The following GUCA2A variants were observed in gnomAD, a reference collection of about 807,000 sequenced individuals.
GUCA2A encodes guanylin.
GUCA2A carries 17 observed loss-of-function variants against 11.2 expected under a neutral mutation model. The observed-to-expected ratio is 1.52, with a 90% CI of 1.04 to 2.28. GUCA2A has a LOEUF of 2.28. Among genes scored for constraint, GUCA2A ranks in the 30% most tolerant of loss-of-function variants. The probability of loss-of-function intolerance (pLI) is 0.00; values close to 1 mark genes in which losing one functional copy is unlikely to be tolerated. For missense variants in GUCA2A, 173 were observed against 139.3 expected (o/e 1.24, Z -1.22); for synonymous variants, 64 against 57.1 (o/e 1.12, Z -0.54).
At chr1:42,163,773 G>T (rs887900498) in intron 1 of GUCA2A, among the ~76,000 whole-genome samples, 163 bp from the exon 2 acceptor site, 4 of 152,188 alleles carry the variant, frequency 2.6e-5, no homozygotes, top group African/African-American at 9.7e-5. Flanking sequence ...CAGAGTTCAG[G>T]CCCCACGTCC....
rs12076081 is a variant in GUCA2A, at chr1:42,162,900, G to A, written c.*6C>T. 13,019 of 1,610,770 alleles carry A rather than the reference G, an allele frequency of 8.1e-3. 977 individuals carry two copies. In the African/African-American group the frequency reaches 0.15, roughly 19 times the overall value. On this transcript the variant is annotated 3_prime_UTR_variant, in exon 3 of 3. Coordinates refer to ENST00000357001, the MANE Select transcript of GUCA2A (RefSeq NM_033553.3). The stretch of plus-strand genomic sequence containing the variant: ...CGGAGGGGAGGCAGGCAGTGGGCAA[G>A]CCCCCCTAGCATCCGGTACAGGCAG...
At chr1:42,163,075 T>C in intron 2 of GUCA2A, 105 bp from the exon 3 acceptor site, 1 of 917,024 alleles carries the variant, frequency 1.1e-6, no homozygotes, top group Non-Finnish European at 1.8e-6. Flanking sequence ...CAGGAGAATC[T>C]CAGCAGGCCC....
Position 42,162,956 on chromosome 1 carries a change from C to T in GUCA2A, c.298G>A (p.Asp100Asn), listed in dbSNP as rs1646135916. 6.2e-7 allele frequency: 1 copy of T among 1,613,768 alleles called. No individual in the cohort carries two copies. Among genetic ancestry groups the T allele is most frequent in the Non-Finnish European group, 8.5e-7 (1 of 1,179,744 alleles). The stretch of plus-strand genomic sequence containing the variant: ...GCACAGATTTCACATGTGCCCGGGT[C>T]CTCAGCGATTTCCTCTGCACAACAG... ...ILQRLEEIAE[D>N]PGTCEICAYA... is the part of the protein sequence containing the mutation. Residue 100 changes from aspartate (D) to asparagine (N), a missense_variant, in exon 3 of 3, where the codon GAC becomes AAC. Asp to Asn is a conservative substitution (Grantham distance 23, BLOSUM62 1). Transcript: ENST00000357001.
chr1:42,162,889 G>T lies in GUCA2A; in HGVS notation c.*17C>A. ...CTTCCCTGCTGCGGAGGGGAGGCAG[G>T]CAGTGGGCAAGCCCCCCTAGCATCC... On this transcript the variant is annotated 3_prime_UTR_variant, in exon 3 of 3. Transcript: ENST00000357001. 1 of 1,603,240 alleles carries T rather than the reference G, an allele frequency of 6.2e-7. No homozygotes were observed. Among genetic ancestry groups the T allele is most frequent in the Non-Finnish European group, 8.5e-7 (1 of 1,170,280 alleles).
intron 2 of GUCA2A, 66 bp downstream of exon 2, chr1:42,163,337 C>G (rs1031845364): frequency 9.7e-7 from 1 of 1,033,050 alleles, no homozygotes; most frequent in Non-Finnish European, 1.5e-6. Flanking sequence ...CAGAGCACAT[C>G]TCTTCCTCAA....
chr1:42,164,285 C>G (rs778906043), intron 1 of GUCA2A, among the ~76,000 whole-genome samples: 3 of 152,220 alleles, frequency 2.0e-5, no homozygotes, highest in Non-Finnish European at 4.4e-5. Context: ...CTTTGTGAGG[C>G]TCAGTTTTCC....
At position 42,163,013 on chromosome 1, in the gene GUCA2A, C is replaced by T. The variant is rs779157253; in HGVS notation, c.284-43G>A. ...AGCCTCGTGAGAACCAGCATTTCCT[C>T]GCGAGGCCCCTGCCGCCCTTGGCCC... On this transcript the variant is annotated intron_variant, in intron 2 of 2. Coordinates refer to ENST00000357001, the MANE Select transcript of GUCA2A (RefSeq NM_033553.3). 2.8e-5 allele frequency: 42 copies of T among 1,502,178 alleles called. 1 individual carries two copies. The African/African-American group carries it at 4.1e-4, about 15-fold the overall frequency. 93.1% of individuals were successfully genotyped at this position (1,502,178 alleles called of 1,614,324 possible).
intron 1 of GUCA2A, among the ~76,000 whole-genome samples, chr1:42,164,029 G>T (rs1646141811): frequency 6.6e-6 from 1 of 152,246 alleles, no homozygotes; most frequent in South Asian, 2.1e-4. Context: ...CCCAGCTCCA[G>T]CCTGCAGCCT....
rs1557602457 is a variant in GUCA2A at position 42,162,968 on chromosome 1, C to T, written c.286G>A (p.Glu96Lys). The change falls in exon 3 of 3, where the codon GAA becomes AAA. Residue 96 changes from glutamate to lysine, a missense_variant and splice_region_variant. Transcript: ENST00000357001. ...NAQEILQRLE[E>K]IAEDPGTCEI... is the part of the protein sequence containing the mutation. ...CATGTGCCCGGGTCCTCAGCGATTT[C>T]CTCTGCACAACAGAGATGGAGCCTC... 1 of 1,613,186 alleles carries T rather than the reference C, an allele frequency of 6.2e-7. No individual in the cohort carries two copies. The highest frequency in any genetic ancestry group is 8.5e-7 in the Non-Finnish European group (1 of 1,179,184).
Position 42,163,437 on chromosome 1 carries a change from C to A in GUCA2A, c.249G>T (p.Lys83Asn). The A allele has an allele frequency of 6.2e-7, 1 of 1,613,902 alleles. No homozygotes were observed. Among genetic ancestry groups the A allele is most frequent in the Middle Eastern group, 1.7e-4 (1 of 6,060 alleles). Residue 83 changes from lysine (K) to asparagine (N), a missense_variant, in exon 2 of 3, where the codon AAG becomes AAT. Coordinates refer to ENST00000357001, the MANE Select transcript of GUCA2A (RefSeq NM_033553.3). ...NFPEELKPLCKEPNAQEILQR... is the reference protein window; with the variant it reads ...NFPEELKPLCNEPNAQEILQR... ...GAAGTATCTCCTGGGCATTGGGCTCCTTGCAGAGAGGCTTGAGTTCTTCTG... is the reference window on the plus strand; with the variant it reads ...GAAGTATCTCCTGGGCATTGGGCTCATTGCAGAGAGGCTTGAGTTCTTCTG...
chr1:42,162,905 C>T lies in GUCA2A; in HGVS notation c.*1G>A. ...GGGAGGCAGGCAGTGGGCAAGCCCC[C>T]CTAGCATCCGGTACAGGCAGCGTAG... On this transcript the variant is annotated 3_prime_UTR_variant, in exon 3 of 3. Transcript: ENST00000357001. 6.2e-7 allele frequency: 1 copy of T among 1,612,446 alleles called. No homozygotes were observed. Among genetic ancestry groups the T allele is most frequent in the Non-Finnish European group, 8.5e-7 (1 of 1,178,602 alleles).
chr1:42,164,510 CGAA>C (rs1646143918), intron 1 of GUCA2A, 125 bp downstream of exon 1: 1 of 633,806 alleles, frequency 1.6e-6, no homozygotes, highest in South Asian at 1.9e-5. Context: ...AGGAGCTCCT[CGAA>C]GAAGGCCAAG....
rs751671024 is a variant in GUCA2A at position 42,163,549 on chromosome 1, T to A, written c.137A>T (p.Gln46Leu). The change falls in exon 2 of 3, where the codon CAG becomes CTG. Residue 46 changes from glutamine (Q) to leucine (L), a missense_variant. Gln to Leu is a moderately radical substitution (Grantham distance 113). Transcript: ENST00000357001. ...VKKLKDLQEP[Q>L]EPRVGKLRNF... Reference sequence around the variant, plus strand: ...CCTGAGTTTCCCAACCCTGGGCTCCTGGGGCTCCTGGAGGTCTTTGAGCTT... The same window carrying A: ...CCTGAGTTTCCCAACCCTGGGCTCCAGGGGCTCCTGGAGGTCTTTGAGCTT... 3.1e-6 allele frequency: 5 copies of A among 1,613,336 alleles called. No homozygotes were observed. Among genetic ancestry groups the A allele is most frequent in the Non-Finnish European group, 3.4e-6 (4 of 1,179,294 alleles).
At chr1:42,164,379 T>C (rs1646143453) in intron 1 of GUCA2A, among the ~76,000 whole-genome samples, 1 of 152,246 alleles carries the variant, frequency 6.6e-6, no homozygotes, top group Non-Finnish European at 1.5e-5. Context: ...AGCCGGCACA[T>C]AGGACACTCA....
chr1:42,164,014 G>T (rs923543257), intron 1 of GUCA2A, among the ~76,000 whole-genome samples: 2 of 152,180 alleles, frequency 1.3e-5, no homozygotes, highest in African/African-American at 4.8e-5. Context: ...GCTGATTACT[G>T]GGCCCCCAGC....
chr1:42,162,932 C>T lies in GUCA2A; in HGVS notation c.322G>A (p.Ala108Thr), dbSNP rs1569700286. 2.5e-6 allele frequency: 4 copies of T among 1,613,854 alleles called. No homozygotes were observed. Among genetic ancestry groups the T allele is most frequent in the Non-Finnish European group, 3.4e-6 (4 of 1,179,782 alleles). Residue 108 changes from alanine to threonine, a missense_variant, in exon 3 of 3, where the codon GCC (alanine) becomes ACC (threonine). By Grantham distance (58) the Ala-to-Thr change is moderately conservative. Transcript: ENST00000357001. ...AEDPGTCEICAYAACTGC is the reference protein window; with the variant it reads ...AEDPGTCEICTYAACTGC ...TAGCATCCGGTACAGGCAGCGTAGG[C>T]ACAGATTTCACATGTGCCCGGGTCC... is the stretch of plus-strand genomic sequence containing the variant.
In GUCA2A at chr1:42,162,730, A is replaced by T. The variant is rs187801567; in HGVS notation, c.*176T>A. 2 of 607,586 alleles carry T rather than the reference A, an allele frequency of 3.3e-6. No homozygotes were observed. Among genetic ancestry groups the T allele is most frequent in the African/African-American group, 3.7e-5 (2 of 54,234 alleles). 37.6% of individuals were successfully genotyped at this position (607,586 alleles called of 1,614,324 possible). ...TTTATTAGCTGGGGGTTGAAGTGGC[A>T]GGGAAGGACAGTGTTGGGGCGAGGC... On this transcript the variant is annotated 3_prime_UTR_variant, in exon 3 of 3. Coordinates refer to ENST00000357001, the MANE Select transcript of GUCA2A (RefSeq NM_033553.3).
At position 42,163,368 on chromosome 1, in the gene GUCA2A, A is replaced by G. The variant is rs772711250; in HGVS notation, c.283+35T>C. 5 of 1,371,902 alleles carry G rather than the reference A, an allele frequency of 3.6e-6. No homozygotes were observed. In the Admixed American group the frequency reaches 8.5e-5, roughly 23 times the overall value. 85.0% of individuals were successfully genotyped at this position (1,371,902 alleles called of 1,614,324 possible). A position where few individuals can be genotyped will look rare whatever the true frequency, so the allele number is the denominator to read the frequency against. ...CTCAAGTGCCACCACAGTATTCCCGAACCCCACCAATCAGAGAGGAAGGAG... is the reference window on the plus strand; with the variant it reads ...CTCAAGTGCCACCACAGTATTCCCGGACCCCACCAATCAGAGAGGAAGGAG... On this transcript the variant is annotated intron_variant, in intron 2 of 2. Coordinates refer to ENST00000357001, the MANE Select transcript of GUCA2A (RefSeq NM_033553.3).
Position 42,162,858 on chromosome 1 carries a change from A to T in GUCA2A, c.*48T>A, listed in dbSNP as rs757966646. 128 of 1,492,186 alleles carry T rather than the reference A, an allele frequency of 8.6e-5. No homozygotes were observed. Among genetic ancestry groups the T allele is most frequent in the Non-Finnish European group, 1.2e-4 (123 of 1,069,544 alleles). 92.4% of individuals were successfully genotyped at this position (1,492,186 alleles called of 1,614,324 possible). On this transcript the variant is annotated 3_prime_UTR_variant, in exon 3 of 3. Coordinates refer to ENST00000357001, the MANE Select transcript of GUCA2A (RefSeq NM_033553.3). ...CATGGGTGGCCCTTTCTGCAGGAGA[A>T]AAGAGCTTCCCTGCTGCGGAGGGGA...
Sources: allele counts gnomAD v4.1 joint callset (sites outside exome capture counted in the v4.1 genomes callset), GRCh38; gene constraint gnomAD v4.1.1; transcripts MANE v1.5; gene names NCBI Gene and HGNC (gene_info 2026-07-23, HGNC 2026-07-21).